The following OGDH variants were observed in gnomAD, a reference collection of about 807,000 sequenced individuals.
OGDH encodes the protein oxoglutarate dehydrogenase.
A neutral mutation model predicts 116.6 loss-of-function variants in OGDH; 38 were observed. The observed-to-expected ratio is 0.33, with a 90% CI of 0.25 to 0.43. The LOEUF (loss-of-function observed/expected upper bound fraction) is 0.43, where lower values mean the gene tolerates loss of function less well. Among genes scored for constraint, OGDH ranks in the 20% least tolerant of loss-of-function variants. The pLI, the probability that OGDH is intolerant of heterozygous loss-of-function variation, is 1.00. For missense variants in OGDH, 825 were observed against 1,357.2 expected (o/e 0.61, Z 6.16); for synonymous variants, 488 against 533.3 (o/e 0.92, Z 1.17).
At chr7:44,630,059 C>CTTATGAAACACAGTACTG (rs1308388129) in intron 2 of OGDH, among the ~76,000 whole-genome samples, 1 of 152,316 alleles carries the variant, frequency 6.6e-6, no homozygotes, top group African/African-American at 2.4e-5. Flanking sequence ...TCTGCTTCCT[C>CTTATGAAACACAGTACTG]CTTTCGTGCT....
Position 44,663,448 on chromosome 7 carries a change from C to T in OGDH, c.518-3288C>T, listed in dbSNP as rs183628528. On this transcript the variant is annotated intron_variant, in intron 4 of 22. Coordinates refer to ENST00000222673, the MANE Select transcript of OGDH (RefSeq NM_002541.4). ...AGGAGTTCGAGACCAGCCCGGCCAA[C>T]GTGGGAAAACTCCATCTCTATTAAA... Among the ~76,000 whole-genome samples, 8 of 152,230 alleles carry T rather than the reference C, an allele frequency of 5.3e-5. No individual in the cohort carries two copies. The East Asian group carries it at 5.8e-4, about 11-fold the overall frequency.
intron 10 of OGDH, among the ~76,000 whole-genome samples, chr7:44,692,624 A>T (rs114488596): frequency 8.3e-4 from 127 of 152,326 alleles, no homozygotes; most frequent in African/African-American, 2.9e-3. Flanking sequence ...TGGTATTATC[A>T]TGCTTTGTGT....
rs1393419637 is a variant in OGDH at position 44,708,115 on chromosome 7, C to T, written c.*116C>T. 1.5e-6 allele frequency: 2 copies of T among 1,364,132 alleles called. No homozygotes were observed. Among genetic ancestry groups the T allele is most frequent in the African/African-American group, 2.9e-5 (2 of 69,382 alleles). The allele number at this position is 1,364,132 out of a possible 1,614,324, so 84.5% of individuals were successfully genotyped here. A position where few individuals can be genotyped will look rare whatever the true frequency, so the allele number is the denominator to read the frequency against. The stretch of plus-strand genomic sequence containing the variant: ...CACACCACCGCCCTCCTCGCTGTGC[C>T]ACCACCCCTCCCTCTGCTCTCATAG... On this transcript the variant is annotated 3_prime_UTR_variant, in exon 23 of 23. Transcript: ENST00000222673.
intron 1 of OGDH, among the ~76,000 whole-genome samples, chr7:44,614,384 A>G (rs143896099): frequency 9.5e-5 from 14 of 146,670 alleles, no homozygotes; most frequent in Admixed American, 3.4e-4. Context: ...ATTTGGGTTT[A>G]TTCTTCACGG....
chr7:44,673,703 T>C (rs2116145944), intron 5 of OGDH, 84 bp from the exon 6 acceptor site: 1 of 1,365,814 alleles, frequency 7.3e-7, no homozygotes, highest in Middle Eastern at 1.8e-4. Context: ...ATCCCCTCCT[T>C]CTGGCTGAAT....
chr7:44,662,383 A>T (rs1229585911), intron 4 of OGDH, among the ~76,000 whole-genome samples: 2 of 151,766 alleles, frequency 1.3e-5, no homozygotes, highest in African/African-American at 4.8e-5. Flanking sequence ...TGGATGTAAG[A>T]TTCTGGTTAG....
chr7:44,676,520 A>G (rs56172399), intron 9 of OGDH: 21,185 of 275,506 alleles, frequency 0.077, 2,069 homozygotes, highest in East Asian at 0.35. Context: ...ACGCCATTGC[A>G]CTCCAGCCTG....
At chr7:44,614,834 C>CTTTTTTTTTT (rs201747358) in intron 1 of OGDH, among the ~76,000 whole-genome samples, 5 of 111,158 alleles carry the variant, frequency 4.5e-5, no homozygotes, top group Non-Finnish European at 5.6e-5. Flanking sequence ...TCTTTTGGTT[C>CTTTTTTTTTT]TTTTTTTTTT....
At chr7:44,653,894 G>T (rs953131349) in intron 4 of OGDH, among the ~76,000 whole-genome samples, 1 of 150,980 alleles carries the variant, frequency 6.6e-6, no homozygotes, top group Non-Finnish European at 1.5e-5. Context: ...TCGCTCTGTT[G>T]CCCAGGCTGG....
In OGDH at chr7:44,694,479, C is replaced by T. The variant is rs1466359148; in HGVS notation, c.1571C>T (p.Pro524Leu). The change falls in exon 12 of 23, where the codon CCG becomes CTG. Residue 524 changes from proline to leucine, a missense_variant. Physicochemically the swap from Pro to Leu is moderately conservative, Grantham distance 98. Coordinates refer to ENST00000222673, the MANE Select transcript of OGDH (RefSeq NM_002541.4). This position sits in a 1 kb window ranked among gnomAD's most constrained non-coding sequence, Gnocchi z 4.2. ...ATGGATGAGCCCATGTTCACGCAGC[C>T]GCTCATGTACAAGCAGATCCGCAAG... ...NEMDEPMFTQPLMYKQIRKQK... is the reference protein window; with the variant it reads ...NEMDEPMFTQLLMYKQIRKQK... 2 of 1,613,858 alleles carry T rather than the reference C, an allele frequency of 1.2e-6. No homozygotes were observed. Among genetic ancestry groups the T allele is most frequent in the Non-Finnish European group, 1.7e-6 (2 of 1,180,018 alleles).
chr7:44,672,974 C>T (rs758239021), intron 5 of OGDH, among the ~76,000 whole-genome samples: 10 of 152,142 alleles, frequency 6.6e-5, no homozygotes, highest in Non-Finnish European at 1.3e-4. Flanking sequence ...GGTGCCTCCT[C>T]TCGCTCCTGG....
intron 1 of OGDH, among the ~76,000 whole-genome samples, chr7:44,615,974 A>G (rs143748253): frequency 0.022 from 3,312 of 150,856 alleles, 59 homozygotes; most frequent in Middle Eastern, 0.051. Context: ...GGCTGCAGTG[A>G]GCCGAGATCA....
chr7:44,698,334 C>CT (rs1225394718), intron 18 of OGDH, 71 bp downstream of exon 18: 2 of 1,484,874 alleles, frequency 1.3e-6, no homozygotes, highest in Non-Finnish European at 1.9e-6. Context: ...GAAGAGCAAT[C>CT]TATCTGGTCA....
At chr7:44,623,832 G>T (rs1290015910) in intron 1 of OGDH, among the ~76,000 whole-genome samples, 3 of 152,142 alleles carry the variant, frequency 2.0e-5, no homozygotes, top group African/African-American at 7.2e-5. Context: ...TTTTAGTAGA[G>T]ATGTGGTTTC....
intron 2 of OGDH, among the ~76,000 whole-genome samples, chr7:44,632,210 G>C (rs1785471939): frequency 6.6e-6 from 1 of 152,140 alleles, no homozygotes; most frequent in Admixed American, 6.5e-5. Flanking sequence ...AAGAGCAGGA[G>C]GGACTGAGGC....
chr7:44,703,720 AAAAT>A (rs987240245), intron 20 of OGDH, among the ~76,000 whole-genome samples: 15 of 151,862 alleles, frequency 9.9e-5, no homozygotes, highest in South Asian at 4.2e-4. Flanking sequence ...CGTCTCAAAA[AAAAT>A]AAATAAATAA....
intron 1 of OGDH, among the ~76,000 whole-genome samples, chr7:44,616,332 G>A (rs1784766043): frequency 1.3e-5 from 2 of 152,090 alleles, no homozygotes; most frequent in Non-Finnish European, 2.9e-5. Context: ...CTCAGATGCT[G>A]TGGGGCCACG....
rs182298018 is a variant in OGDH at position 44,612,817 on chromosome 7, T to C, written c.-28+6164T>C. Among the ~76,000 whole-genome samples the C allele has an allele frequency of 4.7e-3, 717 of 152,280 alleles. 6 individuals are homozygous for C. Among genetic ancestry groups the C allele is most frequent in the African/African-American group, 0.017 (696 of 41,564 alleles). The stretch of plus-strand genomic sequence containing the variant: ...CTCAAGCAATCTTGCTACTTCAGCC[T>C]CCTGAGTAGCTGGGACTGCAGGCAC... On this transcript the variant is annotated intron_variant, in intron 1 of 22. Transcript: ENST00000222673.
chr7:44,612,133 C>T (rs1784589812), intron 1 of OGDH, among the ~76,000 whole-genome samples: 1 of 152,014 alleles, frequency 6.6e-6, no homozygotes. Flanking sequence ...AATATCTAAC[C>T]AGCACCGTTT....
Sources: allele counts gnomAD v4.1 joint callset (sites outside exome capture counted in the v4.1 genomes callset), GRCh38; gene constraint gnomAD v4.1.1; non-coding constraint Gnocchi (gnomAD v3.1); transcripts MANE v1.5; gene names NCBI Gene and HGNC (gene_info 2026-07-23, HGNC 2026-07-21).